COL3A1: variants seen among roughly 807,000 people sequenced by gnomAD.
COL3A1 encodes collagen type III alpha 1 chain.
Under a neutral mutation model 200.9 loss-of-function variants are expected in COL3A1, and 46 were observed. That is an observed-to-expected ratio of 0.23 (90% CI 0.18 to 0.29). COL3A1 has a LOEUF of 0.29. Among genes scored for constraint, COL3A1 ranks in the 10% least tolerant of loss-of-function variants. The pLI, the probability that COL3A1 is intolerant of heterozygous loss-of-function variation, is 1.00. For synonymous variants in COL3A1, 650 were observed against 628.0 expected (o/e 1.03, Z -0.52); for missense variants, 1,367 against 1,917.6 (o/e 0.71, Z 5.36).
intron 40 of COL3A1, 77 bp from the exon 41 acceptor site, chr2:189,005,273 A>G: frequency 7.6e-7 from 1 of 1,309,078 alleles, no homozygotes; most frequent in Non-Finnish European, 1.1e-6. Context: ...TTTACCTGAA[A>G]ATAAAGATAT....
chr2:189,006,283 G>T, intron 42 of COL3A1, 24 bp downstream of exon 42: 1 of 1,613,894 alleles, frequency 6.2e-7, no homozygotes, highest in Non-Finnish European at 8.5e-7. Context: ...ATGTGCAATT[G>T]ATTTGTGTTA....
At chr2:188,993,101 C>A (rs183427308) in intron 15 of COL3A1, among the ~76,000 whole-genome samples, 161 bp downstream of exon 15, 40 of 152,030 alleles carry the variant, frequency 2.6e-4, no homozygotes, top group Admixed American at 2.4e-3. Flanking sequence ...AGGTGTTGTC[C>A]CTAGTATTCA....
At chr2:188,996,599 A>G (rs1289264548) in intron 24 of COL3A1, 103 bp downstream of exon 24, 15 of 905,218 alleles carry the variant, frequency 1.7e-5, no homozygotes, top group South Asian at 3.0e-5. Context: ...TCTTCAAAGC[A>G]TGGAGGAGTA....
At position 188,997,339 on chromosome 2, in the gene COL3A1, C is replaced by A. The variant is rs376525602; in HGVS notation, c.1819C>A (p.Pro607Thr). ...GGPGGPGPQGPPGKNGETGPQ... is the reference protein window; with the variant it reads ...GGPGGPGPQGTPGKNGETGPQ... Reference sequence around the variant, plus strand: ...CCCTAACTGTTCTTGTTTTTAGGGTCCTCCTGGAAAGAATGGTGAAACTGG... The same window carrying A: ...CCCTAACTGTTCTTGTTTTTAGGGTACTCCTGGAAAGAATGGTGAAACTGG... The change falls in exon 26 of 51, where the codon CCT becomes ACT. Residue 607 changes from proline (P) to threonine (T), a missense_variant. Physicochemically the swap from Pro to Thr is conservative, Grantham distance 38. Coordinates refer to ENST00000304636, the MANE Select transcript of COL3A1 (RefSeq NM_000090.4). The A allele has an allele frequency of 1.9e-6, 3 of 1,613,830 alleles. No individual in the cohort carries two copies. Among genetic ancestry groups the A allele is most frequent in the Admixed American group, 3.3e-5 (2 of 59,992 alleles).
intron 40 of COL3A1, 92 bp from the exon 41 acceptor site, chr2:189,005,258 A>G (rs1688559914): frequency 6.9e-6 from 8 of 1,165,108 alleles, no homozygotes; most frequent in Non-Finnish European, 3.8e-6. Flanking sequence ...AAATAAAATA[A>G]GTTTTTTACC....
chr2:188,976,933 T>C (rs2153500417), intron 1 of COL3A1, among the ~76,000 whole-genome samples: 1 of 152,278 alleles, frequency 6.6e-6, no homozygotes, highest in Non-Finnish European at 1.5e-5. Context: ...CTGGCTTTGG[T>C]AGTTTATAAT....
At chr2:189,001,665 A>G in intron 34 of COL3A1, 76 bp downstream of exon 34, 1 of 1,529,226 alleles carries the variant, frequency 6.5e-7, no homozygotes, top group Non-Finnish European at 9.1e-7. Flanking sequence ...CCTTTTTGGC[A>G]GTTTTGCCCT....
intron 1 of COL3A1, among the ~76,000 whole-genome samples, chr2:188,980,836 T>A (rs1687937345): frequency 6.6e-6 from 1 of 151,304 alleles, no homozygotes; most frequent in African/African-American, 2.4e-5. Context: ...GGAAACTATA[T>A]GAATGCCAAA....
At chr2:188,985,529 A>G (rs1290107920) in intron 3 of COL3A1, 136 bp from the exon 4 acceptor site, 10 of 679,386 alleles carry the variant, frequency 1.5e-5, no homozygotes, top group Non-Finnish European at 7.5e-6. Context: ...GATTTTGATT[A>G]AAAAGTATGT....
At position 189,006,210 on chromosome 2, in the gene COL3A1, A is replaced by G. The variant is rs1064796863; in HGVS notation, c.3044A>G (p.Asn1015Ser). The G allele has an allele frequency of 1.2e-6, 2 of 1,614,074 alleles. No individual in the cohort carries two copies. The highest frequency in any genetic ancestry group is 1.7e-4 in the Middle Eastern group (1 of 6,060). The part of the protein sequence containing the change: ...GTAGEPGRDG[N>S]PGSDGLPGRD... ...CCTTTCTCATTTTTTAATCAGGGAA[A>G]CCCTGGATCAGATGGTCTTCCAGGC... The change falls in exon 42 of 51, where the codon AAC becomes AGC. Residue 1015 changes from asparagine to serine, a missense_variant. Physicochemically the swap from Asn to Ser is conservative, Grantham distance 46. Transcript: ENST00000304636.
chr2:189,002,775 CT>C (rs1688495943), intron 35 of COL3A1, among the ~76,000 whole-genome samples, 179 bp from the exon 36 acceptor site: 1 of 152,162 alleles, frequency 6.6e-6, no homozygotes, highest in Non-Finnish European at 1.5e-5. Context: ...TGGTCATGTT[CT>C]TTGATCATGA....
chr2:188,976,188 G>C (rs537768568), intron 1 of COL3A1, among the ~76,000 whole-genome samples: 1 of 152,044 alleles, frequency 6.6e-6, no homozygotes, highest in Non-Finnish European at 1.5e-5. Flanking sequence ...CAAACTTAGG[G>C]GTTTTAGCTC....
Position 188,984,777 on chromosome 2 carries a change from T to G in COL3A1, c.97T>G (p.Ser33Ala). 6.2e-7 allele frequency: 1 copy of G among 1,613,070 alleles called. No individual in the cohort carries two copies. The highest frequency in any genetic ancestry group is 8.5e-7 in the Non-Finnish European group (1 of 1,179,274). ...AQQEAVEGGC[S>A]HLGQSYADRD... ...TTTTTCAGCTGTTGAAGGAGGATGT[T>G]CCCATCTTGGTCAGTCCTATGCGGA... The change falls in exon 2 of 51, where the codon TCC (serine) becomes GCC (alanine). Residue 33 changes from serine (S) to alanine (A), a missense_variant. Physicochemically the swap from Ser to Ala is moderately conservative, Grantham distance 99. Coordinates refer to ENST00000304636, the MANE Select transcript of COL3A1 (RefSeq NM_000090.4).
chr2:189,001,241 A>G (rs1288297415), intron 32 of COL3A1, among the ~76,000 whole-genome samples, 156 bp from the exon 33 acceptor site: 1 of 152,214 alleles, frequency 6.6e-6, no homozygotes, highest in Non-Finnish European at 1.5e-5. Flanking sequence ...CAGTATTTAC[A>G]CATTGAGAGA....
intron 41 of COL3A1, 90 bp from the exon 42 acceptor site, chr2:189,006,116 A>C: frequency 7.3e-7 from 1 of 1,367,982 alleles, no homozygotes; most frequent in Non-Finnish European, 1.0e-6. Context: ...AACCCCCTTG[A>C]GAATTATATT....
intron 45 of COL3A1, 85 bp from the exon 46 acceptor site, chr2:189,007,800 C>A (rs1464824515): frequency 6.7e-7 from 1 of 1,501,328 alleles, no homozygotes; most frequent in African/African-American, 1.4e-5. Context: ...TCATGATCCC[C>A]ATGTTTCTTG....
At position 189,012,096 on chromosome 2, in the gene COL3A1, G is replaced by C; in HGVS notation, c.*322G>C. On this transcript the variant is annotated 3_prime_UTR_variant, in exon 51 of 51. Coordinates refer to ENST00000304636, the MANE Select transcript of COL3A1 (RefSeq NM_000090.4). ...TTCTTTGAATCCTAGCCCATCTGCA[G>C]AGCAATGACTGTGCTCACCAGTAAA... The C allele has an allele frequency of 3.1e-6, 1 of 320,598 alleles. No individual in the cohort carries two copies. Among genetic ancestry groups the C allele is most frequent in the Non-Finnish European group, 5.9e-6 (1 of 168,852 alleles). The allele number at this position is 320,598 out of a possible 1,614,324, so 19.9% of individuals were successfully genotyped here.
chr2:188,992,720 T>A (rs1688214097), intron 14 of COL3A1, among the ~76,000 whole-genome samples, 167 bp from the exon 15 acceptor site: 1 of 152,310 alleles, frequency 6.6e-6, no homozygotes, highest in South Asian at 2.1e-4. Flanking sequence ...ATTTCACTCT[T>A]TTCTTATTTT....
chr2:188,974,543 C>T lies in COL3A1; in HGVS notation c.54C>T (p.Pro18=), dbSNP rs777129787. 5 of 1,614,012 alleles carry T rather than the reference C, an allele frequency of 3.1e-6. No homozygotes were observed. In the South Asian group the frequency reaches 5.5e-5, roughly 18 times the overall value. Residue 18 remains proline, a synonymous_variant, in exon 1 of 51, where the codon CCC becomes CCT. Coordinates refer to ENST00000304636, the MANE Select transcript of COL3A1 (RefSeq NM_000090.4). ...GGCTACTTCTCGCTCTGCTTCATCC[C>T]ACTATTATTTTGGCACAACAGGAAG... ...GSWLLLALLH[P]TIILAQQEAV...
Sources: gnomAD v4.1 joint callset for allele counts (sites outside exome capture counted in the v4.1 genomes callset) on GRCh38, gnomAD v4.1.1 for gene constraint, MANE v1.5 for transcripts, NCBI Gene and HGNC (gene_info 2026-07-23, HGNC 2026-07-21) for gene names.